NAV3: variants seen among roughly 807,000 people sequenced by gnomAD.
NAV3 encodes the protein pore membrane and/or filament interacting like protein 1.
A neutral mutation model predicts 244.7 loss-of-function variants in NAV3; 87 were observed. That is an observed-to-expected ratio of 0.36 (90% confidence interval 0.30 to 0.42). The LOEUF (loss-of-function observed/expected upper bound fraction) is 0.42, where lower values mean the gene tolerates loss of function less well. Among genes scored for constraint, NAV3 ranks in the 20% least tolerant of loss-of-function variants. The pLI, the probability that NAV3 is intolerant of heterozygous loss-of-function variation, is 1.00. For synonymous variants in NAV3, 1,126 were observed against 1,042.2 expected, an observed-to-expected ratio of 1.08 and a Z score of -1.55; for missense variants, 2,663 against 2,893.3, an observed-to-expected ratio of 0.92 and a Z score of 1.83.
rs138878840 is a variant in NAV3 at position 77,601,921 on chromosome 12, T to C, written c.72+29655T>C. ...TGATTGAAGGTAGGGGATGAAGTTTTGTGAGGAACAATGCCTTTGAAATTC... is the reference window on the plus strand; with the variant it reads ...TGATTGAAGGTAGGGGATGAAGTTTCGTGAGGAACAATGCCTTTGAAATTC... On this transcript the variant is annotated intron_variant, in intron 2 of 8. Transcript: ENST00000550042. Among the ~76,000 whole-genome samples the C allele has an allele frequency of 1.1e-4, 16 of 152,116 alleles. No homozygotes were observed. In the East Asian group the frequency reaches 3.1e-3, roughly 29 times the overall value.
intron 30 of NAV3, among the ~76,000 whole-genome samples, chr12:78,184,102 G>A (rs1392025565): frequency 6.6e-6 from 1 of 151,738 alleles, no homozygotes; most frequent in African/African-American, 2.4e-5. Context: ...CTGTTTCATT[G>A]TTTGGTTTAT....
chr12:78,019,629 A>G (rs1019260125), intron 8 of NAV3, among the ~76,000 whole-genome samples: 19 of 152,234 alleles, frequency 1.2e-4, no homozygotes, highest in African/African-American at 4.3e-4. Context: ...AATCAACTGG[A>G]TGAAGTTGGG....
chr12:78,046,187 G>C (rs569833170), intron 9 of NAV3, among the ~76,000 whole-genome samples: 1 of 151,996 alleles, frequency 6.6e-6, no homozygotes, highest in African/African-American at 2.4e-5. Flanking sequence ...AACCAGCTAT[G>C]GATTTATTGA....
At chr12:77,641,030 G>C (rs1872387205) in intron 2 of NAV3, among the ~76,000 whole-genome samples, 1 of 152,146 alleles carries the variant, frequency 6.6e-6, no homozygotes, top group Admixed American at 6.6e-5. Context: ...AGCTTCTAGA[G>C]AGGATTACTT....
chr12:77,805,585 A>G (rs1269450140), intron 2 of NAV3, among the ~76,000 whole-genome samples: 1 of 152,138 alleles, frequency 6.6e-6, no homozygotes, highest in East Asian at 1.9e-4. Flanking sequence ...TTTATTGAGT[A>G]TTTTTGCATC....
At chr12:77,701,235 A>G (rs904998546) in intron 2 of NAV3, among the ~76,000 whole-genome samples, 1 of 151,960 alleles carries the variant, frequency 6.6e-6, no homozygotes, top group Non-Finnish European at 1.5e-5. Context: ...TAATGATACA[A>G]AGCTATTTAG....
In NAV3 at chr12:78,148,974, A is replaced by G. The variant is rs1956969466; in HGVS notation, c.4785+55A>G. ...CAACAAATTTTTATAGAGGAAAATG[A>G]AATCATTTTAGTAACAAACTTACAA... is the stretch of plus-strand genomic sequence containing the variant. On this transcript the variant is annotated intron_variant, in intron 22 of 39. Coordinates refer to ENST00000397909, the MANE Select transcript of NAV3 (RefSeq NM_001024383.2). 1.1e-5 allele frequency: 15 copies of G among 1,418,816 alleles called. 1 individual carries two copies. The South Asian group carries it at 1.8e-4, about 17-fold the overall frequency. 87.9% of individuals were successfully genotyped at this position (1,418,816 alleles called of 1,614,324 possible). A position where few individuals can be genotyped will look rare whatever the true frequency, so the allele number is the denominator to read the frequency against.
chr12:77,932,290 G>A (rs1888887572), intron 1 of NAV3, among the ~76,000 whole-genome samples: 1 of 152,108 alleles, frequency 6.6e-6, no homozygotes, highest in Non-Finnish European at 1.5e-5. Flanking sequence ...ATGGGAGAAT[G>A]GATAGGCCGG....
intron 38 of NAV3, among the ~76,000 whole-genome samples, chr12:78,201,552 T>G (rs1198966691): frequency 1.3e-5 from 2 of 152,010 alleles, no homozygotes; most frequent in Non-Finnish European, 2.9e-5. Flanking sequence ...TTTTCCTAAC[T>G]AAAAGATGAA....
At chr12:77,710,572 G>A (rs1876059057) in intron 2 of NAV3, among the ~76,000 whole-genome samples, 1 of 152,130 alleles carries the variant, frequency 6.6e-6, no homozygotes, top group African/African-American at 2.4e-5. Context: ...GATGTCAGTA[G>A]AAATTACTTA....
At position 77,621,815 on chromosome 12, in the gene NAV3, C is replaced by A. The variant is rs554852687; in HGVS notation, c.72+49549C>A. 1.2e-4 allele frequency among the ~76,000 whole-genome samples: 18 copies of A among 152,116 alleles called. No individual in the cohort carries two copies. In the South Asian group the frequency reaches 3.3e-3, roughly 28 times the overall value. On this transcript the variant is annotated intron_variant, in intron 2 of 8. Transcript: ENST00000550042. ...CTTAACCACATAGATTGATTACATA[C>A]CCTCCTTGATCTCAAGAAGTCCCAG... is the stretch of plus-strand genomic sequence containing the variant.
At chr12:78,064,453 G>A (rs1341473854) in intron 12 of NAV3, among the ~76,000 whole-genome samples, 1 of 151,768 alleles carries the variant, frequency 6.6e-6, no homozygotes, top group Non-Finnish European at 1.5e-5. Flanking sequence ...CTGCCTGCCT[G>A]CCTGCCTGCC....
At chr12:77,611,386 A>G (rs947407492) in intron 2 of NAV3, among the ~76,000 whole-genome samples, 1 of 152,070 alleles carries the variant, frequency 6.6e-6, no homozygotes, top group African/African-American at 2.4e-5. Flanking sequence ...TTATAATTTC[A>G]AGTGAGTTTG....
intron 1 of NAV3, among the ~76,000 whole-genome samples, chr12:77,838,935 C>T (rs1592745793): frequency 6.6e-6 from 1 of 152,222 alleles, no homozygotes; most frequent in East Asian, 1.9e-4. Flanking sequence ...TTTTTATCTC[C>T]TCCCTTTCTC....
intron 1 of NAV3, among the ~76,000 whole-genome samples, chr12:77,833,634 A>C (rs1874101863): frequency 6.6e-6 from 1 of 152,152 alleles, no homozygotes; most frequent in Non-Finnish European, 1.5e-5. Flanking sequence ...GGCTTGTGTT[A>C]ATCAGCTCAG....
Position 77,968,513 on chromosome 12 carries a change from A to G in NAV3, c.488-6A>G, listed in dbSNP as rs1418759869. 6.2e-7 allele frequency: 1 copy of G among 1,604,582 alleles called. No homozygotes were observed. Among genetic ancestry groups the G allele is most frequent in the South Asian group, 1.1e-5 (1 of 90,060 alleles). ...ATTCTTTTTTTGTATTTTTCATTTC[A>G]TACAGAAATAAGAAATGGAAACTTA... On this transcript the variant is annotated splice_polypyrimidine_tract_variant and splice_region_variant and intron_variant, in intron 4 of 39. Coordinates refer to ENST00000397909, the MANE Select transcript of NAV3 (RefSeq NM_001024383.2).
intron 12 of NAV3, among the ~76,000 whole-genome samples, chr12:78,103,001 G>A (rs7957819): frequency 0.13 from 20,389 of 152,140 alleles, 1,414 homozygotes; most frequent in African/African-American, 0.15. Context: ...TTTCCCCATT[G>A]TCTTGGGGAT....
chr12:77,653,779 C>G (rs1872937233), intron 2 of NAV3, among the ~76,000 whole-genome samples: 1 of 152,036 alleles, frequency 6.6e-6, no homozygotes, highest in Non-Finnish European at 1.5e-5. Context: ...GAAATATATT[C>G]TTACATATAA....
At chr12:77,953,667 G>T (rs886294566) in intron 3 of NAV3, among the ~76,000 whole-genome samples, 1 of 152,096 alleles carries the variant, frequency 6.6e-6, no homozygotes, top group Non-Finnish European at 1.5e-5. Flanking sequence ...AGGAAAGCCC[G>T]CAAGGCGTTC....
Sources: allele counts gnomAD v4.1 joint callset (sites outside exome capture counted in the v4.1 genomes callset), GRCh38; gene constraint gnomAD v4.1.1; transcripts MANE v1.5; gene names NCBI Gene and HGNC (gene_info 2026-07-23, HGNC 2026-07-21).